Variants in ROR1 observed in about 807,000 individuals in gnomAD.
ROR1 encodes inactive tyrosine-protein kinase transmembrane receptor ROR1.
Under a neutral mutation model 78.8 loss-of-function variants are expected in ROR1, and 19 were observed. The ratio of observed to expected loss-of-function variants is 0.24; its 90% CI spans 0.17 to 0.35. The LOEUF is 0.35. ROR1 is among the 10% of genes least tolerant of loss of function. The probability of loss-of-function intolerance (pLI) is 1.00; values close to 1 mark genes in which losing one functional copy is unlikely to be tolerated. For synonymous variants in ROR1, 386 were observed against 433.6 expected, an observed-to-expected ratio of 0.89 and a Z score of 1.36; for missense variants, 917 against 1,177.8, an observed-to-expected ratio of 0.78 and a Z score of 3.24.
Position 63,944,660 on chromosome 1 carries a change from C to T in ROR1, c.92-64645C>T, listed in dbSNP as rs551936167. ...AAATTCTAATCATTTTTCTTCTATC[C>T]TCTCAGTGGTCTCCTTGTTTTAAAT... On this transcript the variant is annotated intron_variant, in intron 1 of 8. Coordinates refer to ENST00000371079, the MANE Select transcript of ROR1 (RefSeq NM_005012.4). 3.3e-5 allele frequency among the ~76,000 whole-genome samples: 5 copies of T among 152,114 alleles called. No individual in the cohort carries two copies. The South Asian group carries it at 1.0e-3, about 32-fold the overall frequency.
chr1:64,034,196 T>A (rs940883025), intron 2 of ROR1, among the ~76,000 whole-genome samples: 2 of 152,038 alleles, frequency 1.3e-5, no homozygotes, highest in African/African-American at 2.4e-5. Context: ...TTTTTTTTTT[T>A]TTATTATCCT....
chr1:64,034,241 C>T (rs1468873883), intron 2 of ROR1, among the ~76,000 whole-genome samples: 1 of 150,324 alleles, frequency 6.7e-6, no homozygotes, highest in East Asian at 2.0e-4. Flanking sequence ...CCCATCAGTC[C>T]TGGGGGTTCT....
At chr1:64,056,503 C>T (rs925195807) in intron 4 of ROR1, among the ~76,000 whole-genome samples, 24 of 151,728 alleles carry the variant, frequency 1.6e-4, no homozygotes, top group South Asian at 6.3e-4. Flanking sequence ...GGTGAAACCC[C>T]GTATCTACTA....
intron 1 of ROR1, chr1:63,843,746 C>A: frequency 2.4e-6 from 1 of 424,308 alleles, no homozygotes; most frequent in South Asian, 2.0e-5. Flanking sequence ...GCACTGCAGC[C>A]GCTGCTGGGA....
chr1:64,088,520 A>G (rs1228814996), intron 4 of ROR1, among the ~76,000 whole-genome samples: 1 of 146,650 alleles, frequency 6.8e-6, no homozygotes, highest in Non-Finnish European at 1.5e-5. Flanking sequence ...AGATCTGGAA[A>G]TGAAAAATAG....
Position 64,049,793 on chromosome 1 carries a change from T to C in ROR1, c.266T>C (p.Ile89Thr). 6.2e-7 allele frequency: 1 copy of C among 1,614,148 alleles called. No homozygotes were observed. The highest frequency in any genetic ancestry group is 8.5e-7 in the Non-Finnish European group (1 of 1,180,022). The change falls in exon 3 of 9, where the codon ATC becomes ACC. Residue 89 changes from isoleucine to threonine, a missense_variant. Ile to Thr is a moderately conservative substitution (Grantham distance 89, BLOSUM62 -1). Transcript: ENST00000371079. ...GTCTCTGGGAATCCACCTCCCACCA[T>C]CCGCTGGTTCAAAAATGATGCTCCT... ...CKVSGNPPPT[I>T]RWFKNDAPVV... is the part of the protein sequence containing the mutation.
chr1:63,869,898 T>C (rs1169556013), intron 1 of ROR1, among the ~76,000 whole-genome samples: 1 of 152,250 alleles, frequency 6.6e-6, no homozygotes, highest in Non-Finnish European at 1.5e-5. Flanking sequence ...ATCCTAACTC[T>C]TATTTTCCAA....
At chr1:63,965,407 G>A (rs934542170) in intron 1 of ROR1, among the ~76,000 whole-genome samples, 40 of 152,124 alleles carry the variant, frequency 2.6e-4, no homozygotes, top group African/African-American at 8.2e-4. Context: ...GAGTGTTGTC[G>A]TTGGAAACTT....
intron 1 of ROR1, among the ~76,000 whole-genome samples, chr1:63,960,275 C>T (rs1274388402): frequency 1.3e-5 from 2 of 152,278 alleles, no homozygotes; most frequent in Middle Eastern, 3.4e-3. Flanking sequence ...CTTTTGGGAA[C>T]GGGAGACCTT....
intron 1 of ROR1, among the ~76,000 whole-genome samples, chr1:63,983,800 T>C (rs1646229880): frequency 6.6e-6 from 1 of 152,184 alleles, no homozygotes; most frequent in South Asian, 2.1e-4. Flanking sequence ...ATCTTGGCTC[T>C]GTCATCAATG....
At chr1:63,871,827 G>A (rs1389317464) in intron 1 of ROR1, among the ~76,000 whole-genome samples, 1 of 152,208 alleles carries the variant, frequency 6.6e-6, no homozygotes, top group African/African-American at 2.4e-5. Flanking sequence ...AAACCATCCA[G>A]AAAATGATTA....
intron 2 of ROR1, among the ~76,000 whole-genome samples, chr1:64,034,975 A>G (rs1646690390): frequency 6.6e-6 from 1 of 152,192 alleles, no homozygotes; most frequent in African/African-American, 2.4e-5. Flanking sequence ...TTGCTGGGCT[A>G]TTCACAAATA....
chr1:64,025,378 A>G (rs966183207), intron 2 of ROR1, among the ~76,000 whole-genome samples: 3 of 152,188 alleles, frequency 2.0e-5, no homozygotes, highest in African/African-American at 7.2e-5. Context: ...TACAACCACT[A>G]TGGAAAAAAC....
intron 2 of ROR1, among the ~76,000 whole-genome samples, chr1:64,032,127 G>A (rs1646665457): frequency 1.3e-5 from 2 of 151,920 alleles, no homozygotes; most frequent in African/African-American, 2.4e-5. Flanking sequence ...CGGATCATGA[G>A]GTCAGGAGAT....
At chr1:63,963,031 G>A (rs1557585176) in intron 1 of ROR1, among the ~76,000 whole-genome samples, 5 of 152,150 alleles carry the variant, frequency 3.3e-5, no homozygotes, top group Admixed American at 3.3e-4. Context: ...CGGGTTGGTT[G>A]ACTAGATAGA....
intron 1 of ROR1, among the ~76,000 whole-genome samples, chr1:63,964,061 T>C (rs935641994): frequency 6.6e-6 from 1 of 152,228 alleles, no homozygotes; most frequent in Non-Finnish European, 1.5e-5. Flanking sequence ...ACTTAGGAAG[T>C]GTTCAGGTAT....
At chr1:63,793,059 A>G (rs1378018385) in intron 1 of ROR1, among the ~76,000 whole-genome samples, 1 of 151,966 alleles carries the variant, frequency 6.6e-6, no homozygotes, top group African/African-American at 2.4e-5. Context: ...GCTACCCAAA[A>G]AAGTAAGTGG....
intron 4 of ROR1, among the ~76,000 whole-genome samples, chr1:64,058,751 G>T (rs1197382354): frequency 6.6e-6 from 1 of 151,694 alleles, no homozygotes; most frequent in Non-Finnish European, 1.5e-5. Context: ...ATTTTGTTGA[G>T]GATTTTTGAG....
chr1:64,091,869 T>G (rs920735701), intron 4 of ROR1, among the ~76,000 whole-genome samples: 3 of 152,144 alleles, frequency 2.0e-5, no homozygotes, highest in Admixed American at 2.0e-4. Flanking sequence ...CAGGAAGCGA[T>G]GGGTATGAGC....
Sources: allele counts gnomAD v4.1 joint callset (sites outside exome capture counted in the v4.1 genomes callset), GRCh38; gene constraint gnomAD v4.1.1; transcripts MANE v1.5; gene names NCBI Gene and HGNC (gene_info 2026-07-23, HGNC 2026-07-21).